The following AFF2 variants were observed in gnomAD, a reference collection of about 807,000 sequenced individuals.
The protein encoded by AFF2 is ALF transcription elongation factor 2, also known as AF4/FMR2 family member 2.
Under a neutral mutation model 76.9 loss-of-function variants are expected in AFF2, and 14 were observed. The ratio of observed to expected loss-of-function variants is 0.18; its 90% CI spans 0.12 to 0.28. The LOEUF is 0.28. Ranked by LOEUF, AFF2 falls within the 10% of genes least tolerant of loss-of-function variation. AFF2 has a pLI of 1.00. For synonymous variants in AFF2, 398 were observed against 366.7 expected, an observed-to-expected ratio of 1.09 and a Z score of -0.98; for missense variants, 868 against 1,001.1, an observed-to-expected ratio of 0.87 and a Z score of 1.79.
intron 3 of AFF2, among the ~76,000 whole-genome samples, chrX:148,704,274 A>ATATATATATGTGTGTATATATATT (rs2054841182): frequency 2.6e-5 from 2 of 77,075 alleles, no homozygotes; most frequent in African/African-American, 1.1e-4. Context: ...ATATATATTT[A>ATATATATATGTGTGTATATATATT]TATATATATG....
chrX:148,592,820 T>G (rs1451571450), intron 1 of AFF2, among the ~76,000 whole-genome samples: 5 of 112,088 alleles, frequency 4.5e-5, no homozygotes, highest in Non-Finnish European at 7.5e-5. Context: ...GGGAGTCAGC[T>G]CTATAACCTC....
At chrX:148,961,181 G>A (rs1033143178) in intron 12 of AFF2, among the ~76,000 whole-genome samples, 5 of 112,001 alleles carry the variant, frequency 4.5e-5, no homozygotes, top group African/African-American at 1.6e-4. Context: ...TTCTCCTCAG[G>A]CAGCTCAAGT....
chrX:148,753,679 T>C (rs1392229353), intron 3 of AFF2, among the ~76,000 whole-genome samples: 1 of 112,098 alleles, frequency 8.9e-6, no homozygotes, highest in Non-Finnish European at 1.9e-5. Flanking sequence ...TCCTGCACTT[T>C]ACCGAGTGGC....
In AFF2 at chrX:148,636,302, G is replaced by A. The variant is rs1373746571; in HGVS notation, c.48-15697G>A. Reference sequence around the variant, plus strand: ...GTTAAACTTCCAATATTACTTGAGCGTGTCGAGGGCTATGGATCAATGAGT... The same window carrying A: ...GTTAAACTTCCAATATTACTTGAGCATGTCGAGGGCTATGGATCAATGAGT... On this transcript the variant is annotated intron_variant, in intron 1 of 20. Transcript: ENST00000370460. 5.4e-5 allele frequency among the ~76,000 whole-genome samples: 6 copies of A among 112,023 alleles called. No homozygotes were observed. The East Asian group carries it at 1.1e-3, about 21-fold the overall frequency.
intron 3 of AFF2, among the ~76,000 whole-genome samples, chrX:148,729,970 G>A (rs2055202072): frequency 1.8e-5 from 2 of 111,634 alleles, no homozygotes; most frequent in Admixed American, 9.5e-5. Flanking sequence ...TACCTCATAG[G>A]AATGTTCTAC....
At chrX:148,885,446 A>G (rs974421467) in intron 7 of AFF2, among the ~76,000 whole-genome samples, 8 of 111,331 alleles carry the variant, frequency 7.2e-5, no homozygotes, top group Non-Finnish European at 1.5e-4. Context: ...TACCTCCGTC[A>G]TCCAGAGAGA....
chrX:148,892,963 T>C (rs1557279933), intron 8 of AFF2, among the ~76,000 whole-genome samples: 1 of 112,180 alleles, frequency 8.9e-6, no homozygotes, highest in African/African-American at 3.2e-5. Context: ...AAACAGCAGA[T>C]GGATTAGGAT....
At chrX:148,651,427 A>C (rs1446448568) in intron 1 of AFF2, among the ~76,000 whole-genome samples, 1 of 112,279 alleles carries the variant, frequency 8.9e-6, no homozygotes, top group Non-Finnish European at 1.9e-5. Flanking sequence ...GACCAACACC[A>C]CAACAACCAA....
At chrX:148,935,247 A>G (rs2124306412) in intron 9 of AFF2, among the ~76,000 whole-genome samples, 1 of 110,561 alleles carries the variant, frequency 9.0e-6, no homozygotes, top group East Asian at 2.8e-4. Flanking sequence ...ATGTCCTAAT[A>G]ACTTTGTTAG....
At chrX:148,651,066 A>G (rs1323346286) in intron 1 of AFF2, among the ~76,000 whole-genome samples, 2 of 112,381 alleles carry the variant, frequency 1.8e-5, no homozygotes, top group African/African-American at 6.5e-5. Flanking sequence ...CAGTGAATAA[A>G]ATAAGATACA....
chrX:148,887,664 G>A (rs2071174635), intron 8 of AFF2, among the ~76,000 whole-genome samples: 1 of 111,813 alleles, frequency 8.9e-6, no homozygotes, highest in Admixed American at 9.5e-5. Flanking sequence ...ATCAGGATTG[G>A]TGGGTTGGAA....
At chrX:148,501,375 T>C (rs915811355) in intron 1 of AFF2, among the ~76,000 whole-genome samples, 2 of 112,381 alleles carry the variant, frequency 1.8e-5, no homozygotes, top group Non-Finnish European at 3.8e-5. Flanking sequence ...CGCTTTGCGC[T>C]CCAAGTCTAA....
intron 3 of AFF2, among the ~76,000 whole-genome samples, chrX:148,684,046 C>A (rs1253992750): frequency 9.0e-6 from 1 of 111,646 alleles, no homozygotes; most frequent in Non-Finnish European, 1.9e-5. Flanking sequence ...ACACCCTGTG[C>A]AAACATTTTA....
chrX:148,808,480 T>C (rs2070164665), intron 3 of AFF2, among the ~76,000 whole-genome samples: 1 of 112,721 alleles, frequency 8.9e-6, no homozygotes, highest in Admixed American at 9.4e-5. Context: ...TCTTCTACTG[T>C]TTCTTCTACC....
At chrX:148,581,156 C>T (rs1460388875) in intron 1 of AFF2, among the ~76,000 whole-genome samples, 1 of 55,042 alleles carries the variant, frequency 1.8e-5, no homozygotes, top group African/African-American at 5.2e-5. Context: ...TATACATATA[C>T]GTATACACAC....
chrX:148,824,007 T>G, intron 4 of AFF2, among the ~76,000 whole-genome samples: 1 of 110,652 alleles, frequency 9.0e-6, no homozygotes, highest in East Asian at 2.8e-4. Flanking sequence ...TGAATGGCCC[T>G]TTTAGGAGAG....
intron 3 of AFF2, among the ~76,000 whole-genome samples, chrX:148,692,631 T>C (rs952057421): frequency 3.6e-5 from 4 of 112,274 alleles, no homozygotes; most frequent in African/African-American, 1.3e-4. Context: ...ATAAAGTCAT[T>C]TATTTTGTGT....
intron 3 of AFF2, among the ~76,000 whole-genome samples, chrX:148,696,041 A>G (rs1557261233): frequency 4.5e-5 from 5 of 112,232 alleles, no homozygotes; most frequent in East Asian, 5.6e-4. Context: ...CTTTCCTTTC[A>G]AGAAGTAATG....
At chrX:148,983,968 A>AAAAAAAAAAAAAAAAAGC (rs1431816827) in intron 19 of AFF2, among the ~76,000 whole-genome samples, 1 of 103,469 alleles carries the variant, frequency 9.7e-6, no homozygotes, top group African/African-American at 3.5e-5. Flanking sequence ...AAAAAAAAAA[A>AAAAAAAAAAAAAAAAAGC]CTGCCCTCAT....
Sources: allele counts gnomAD v4.1 joint callset (sites outside exome capture counted in the v4.1 genomes callset), GRCh38; gene constraint gnomAD v4.1.1; transcripts MANE v1.5; gene names NCBI Gene and HGNC (gene_info 2026-07-23, HGNC 2026-07-21).